The following ST3GAL3 variants were observed in gnomAD, a reference collection of about 807,000 sequenced individuals.
The protein encoded by ST3GAL3 is ST3 beta-galactoside alpha-2,3-sialyltransferase 3.
Under a neutral mutation model 50.1 loss-of-function variants are expected in ST3GAL3, and 21 were observed. The ratio of observed to expected loss-of-function variants is 0.42; its 90% CI spans 0.30 to 0.60. ST3GAL3 has a LOEUF of 0.60. Among genes scored for constraint, ST3GAL3 ranks in the 20% least tolerant of loss-of-function variants. The pLI, the probability that ST3GAL3 is intolerant of heterozygous loss-of-function variation, is 0.19. For missense variants in ST3GAL3, 353 were observed against 489.4 expected (o/e 0.72, Z 2.63); for synonymous variants, 183 against 190.0 (o/e 0.96, Z 0.30).
chr1:43,746,958 G>T (rs377349756), intron 2 of ST3GAL3, among the ~76,000 whole-genome samples: 4 of 151,082 alleles, frequency 2.6e-5, no homozygotes, highest in East Asian at 2.0e-4. Context: ...TAGAGACGGG[G>T]TTTCACCATA....
intron 2 of ST3GAL3, among the ~76,000 whole-genome samples, chr1:43,747,710 A>G (rs1249871024): frequency 6.6e-6 from 1 of 151,348 alleles, no homozygotes; most frequent in African/African-American, 2.4e-5. Context: ...CCTCCCGAGT[A>G]GCTGGGATTA....
chr1:43,920,453 A>T lies in ST3GAL3; in HGVS notation c.794A>T (p.Glu265Val). Residue 265 changes from glutamate (E) to valine (V), a missense_variant, in exon 10 of 12, where the codon GAG (glutamate) becomes GTG (valine). Transcript: ENST00000347631. The stretch of plus-strand genomic sequence containing the variant: ...TCTGTGGCCACTCGAGTGCCCAAGG[A>T]GCCCCCTGAGATTCGAATCCTCAAC... ...WKSVATRVPK[E>V]PPEIRILNPY... The T allele has an allele frequency of 6.2e-7, 1 of 1,614,110 alleles. No homozygotes were observed.
intron 2 of ST3GAL3, among the ~76,000 whole-genome samples, chr1:43,788,472 G>T (rs1488579289): frequency 6.6e-6 from 1 of 152,088 alleles, no homozygotes; most frequent in Non-Finnish European, 1.5e-5. Context: ...TTCCTCCTCT[G>T]CGGAGACTCT....
chr1:43,730,988 A>T (rs1453758974), intron 1 of ST3GAL3, among the ~76,000 whole-genome samples: 3 of 152,122 alleles, frequency 2.0e-5, no homozygotes, highest in Non-Finnish European at 4.4e-5. Context: ...AATTATTGTC[A>T]ATAGTTTGGT....
At chr1:43,879,737 A>G (rs945898449) in intron 5 of ST3GAL3, among the ~76,000 whole-genome samples, 1 of 152,178 alleles carries the variant, frequency 6.6e-6, no homozygotes, top group Non-Finnish European at 1.5e-5. Context: ...GGCTTGATCA[A>G]CTACATTAGC....
chr1:43,775,392 C>G (rs1225837543), intron 2 of ST3GAL3, among the ~76,000 whole-genome samples: 1 of 152,104 alleles, frequency 6.6e-6, no homozygotes, highest in African/African-American at 2.4e-5. Flanking sequence ...CACCACAATG[C>G]CTGGCTAATG....
At chr1:43,708,989 T>C (rs1338576755) in intron 1 of ST3GAL3, among the ~76,000 whole-genome samples, 1 of 152,184 alleles carries the variant, frequency 6.6e-6, no homozygotes, top group Non-Finnish European at 1.5e-5. Context: ...ATGATAACTG[T>C]GATATGGTCT....
At chr1:43,887,999 G>T (rs150244437) in intron 5 of ST3GAL3, among the ~76,000 whole-genome samples, 2 of 152,032 alleles carry the variant, frequency 1.3e-5, no homozygotes, top group African/African-American at 4.8e-5. Context: ...CATGTTGAGG[G>T]AACAGTCTTT....
intron 2 of ST3GAL3, among the ~76,000 whole-genome samples, chr1:43,771,400 C>T (rs1484414136): frequency 6.6e-6 from 1 of 151,968 alleles, no homozygotes; most frequent in South Asian, 2.1e-4. Context: ...CGCTGTCGCC[C>T]AGGCTGGAGT....
At chr1:43,864,052 G>C (rs1314941186) in intron 5 of ST3GAL3, among the ~76,000 whole-genome samples, 5 of 152,046 alleles carry the variant, frequency 3.3e-5, no homozygotes, top group African/African-American at 7.2e-5. Flanking sequence ...CTTGAGGCAG[G>C]CAGATCACCT....
intron 1 of ST3GAL3, among the ~76,000 whole-genome samples, chr1:43,711,112 C>A (rs1664519233): frequency 6.6e-6 from 1 of 152,224 alleles, no homozygotes; most frequent in African/African-American, 2.4e-5. Flanking sequence ...ACTGAGAGAT[C>A]TGTATTGACA....
At chr1:43,816,232 G>A (rs1361582528) in intron 4 of ST3GAL3, among the ~76,000 whole-genome samples, 1 of 152,124 alleles carries the variant, frequency 6.6e-6, no homozygotes, top group Non-Finnish European at 1.5e-5. Context: ...CCACACCTAC[G>A]TACAAGACAT....
intron 5 of ST3GAL3, chr1:43,839,262 G>A (rs1011345805): frequency 6.6e-6 from 1 of 152,288 alleles, no homozygotes; most frequent in Admixed American, 6.5e-5. Flanking sequence ...TGCTGGCTGA[G>A]TATCTGGTGC....
intron 2 of ST3GAL3, among the ~76,000 whole-genome samples, chr1:43,769,002 CAG>C (rs908205277): frequency 6.6e-6 from 1 of 152,036 alleles, no homozygotes; most frequent in Admixed American, 6.6e-5. Context: ...AAATCCTCAA[CAG>C]ACATTTAGCA....
chr1:43,876,583 GAAGGGAC>G (rs1558686794), intron 5 of ST3GAL3, among the ~76,000 whole-genome samples: 1 of 152,182 alleles, frequency 6.6e-6, no homozygotes, highest in Non-Finnish European at 1.5e-5. Flanking sequence ...ATCTTCCAAT[GAAGGGAC>G]AAGATAGGCT....
chr1:43,897,549 A>G (rs2154269382), intron 6 of ST3GAL3, among the ~76,000 whole-genome samples: 1 of 152,298 alleles, frequency 6.6e-6, no homozygotes, highest in Non-Finnish European at 1.5e-5. Context: ...AAAGCCAGAG[A>G]GAGGCCAAGG....
chr1:43,875,315 G>A lies in ST3GAL3; in HGVS notation c.303-19068G>A, dbSNP rs570589225. 9.2e-5 allele frequency among the ~76,000 whole-genome samples: 14 copies of A among 152,142 alleles called. No homozygotes were observed. The South Asian group carries it at 2.5e-3, about 27-fold the overall frequency. On this transcript the variant is annotated intron_variant, in intron 5 of 11. Transcript: ENST00000347631. ...TGAGCTTGAGACTGACATTAGAGAG[G>A]GCTTTAGTTATTAGCAGCGACCTAG...
chr1:43,826,165 G>A (rs1031856658), intron 4 of ST3GAL3, among the ~76,000 whole-genome samples: 2 of 152,064 alleles, frequency 1.3e-5, no homozygotes, highest in Non-Finnish European at 2.9e-5. Context: ...GGTTGAGATG[G>A]GAGGATCACT....
At chr1:43,786,072 A>G (rs566301878) in intron 2 of ST3GAL3, among the ~76,000 whole-genome samples, 4 of 151,784 alleles carry the variant, frequency 2.6e-5, no homozygotes, top group Non-Finnish European at 4.4e-5. Flanking sequence ...GACCCGGTTC[A>G]GGCCACCATC....
Sources: gnomAD v4.1 joint callset for allele counts (sites outside exome capture counted in the v4.1 genomes callset) on GRCh38, gnomAD v4.1.1 for gene constraint, MANE v1.5 for transcripts, NCBI Gene and HGNC (gene_info 2026-07-23, HGNC 2026-07-21) for gene names.